MACROD2: variants seen among roughly 807,000 people sequenced by gnomAD.
MACROD2 encodes the protein mono-ADP ribosylhydrolase 2, also known as ADP-ribose glycohydrolase MACROD2.
Under a neutral mutation model 70.4 loss-of-function variants are expected in MACROD2, and 36 were observed. The observed-to-expected ratio is 0.51, with a 90% confidence interval of 0.39 to 0.68. The LOEUF is 0.68. Ranked by LOEUF, MACROD2 falls within the 30% of genes least tolerant of loss-of-function variation. MACROD2 has a pLI of 0.00. For missense variants in MACROD2, 496 were observed against 538.4 expected (o/e 0.92, Z 0.78); for synonymous variants, 172 against 178.8 (o/e 0.96, Z 0.30).
chr20:14,033,125 G>T, intron 2 of MACROD2, among the ~76,000 whole-genome samples: 1 of 141,244 alleles, frequency 7.1e-6, no homozygotes. Flanking sequence ...TTTTCTATAT[G>T]GAATTTCTTT....
Position 15,987,175 on chromosome 20 carries a change from A to G in MACROD2, c.1153+17A>G. 2 of 1,576,734 alleles carry G rather than the reference A, an allele frequency of 1.3e-6. No individual in the cohort carries two copies. Among genetic ancestry groups the G allele is most frequent in the Non-Finnish European group, 1.7e-6 (2 of 1,154,856 alleles). The stretch of plus-strand genomic sequence containing the variant: ...GTGAAAAAGGTAGGACTGCTCTTAA[A>G]TTAACCCATCAAGAATGGAGAGTTT... On this transcript the variant is annotated intron_variant, in intron 15 of 17. Coordinates refer to ENST00000684519, the MANE Select transcript of MACROD2 (RefSeq NM_001351661.2).
intron 3 of MACROD2, among the ~76,000 whole-genome samples, chr20:14,149,474 G>T (rs1250811053): frequency 1.3e-5 from 2 of 152,060 alleles, no homozygotes; most frequent in African/African-American, 2.4e-5. Context: ...TACATTCAGT[G>T]GAACCATTTA....
chr20:14,491,202 A>G (rs2084789694), intron 3 of MACROD2, among the ~76,000 whole-genome samples: 1 of 152,146 alleles, frequency 6.6e-6, no homozygotes, highest in East Asian at 1.9e-4. Flanking sequence ...ATAAAGTTTC[A>G]CCTTTACTTG....
chr20:15,461,107 A>G (rs1388507910), intron 7 of MACROD2, among the ~76,000 whole-genome samples: 1 of 150,642 alleles, frequency 6.6e-6, no homozygotes, highest in Non-Finnish European at 1.5e-5. Flanking sequence ...TCTTGGGCTC[A>G]AGTGAGTCTC....
At chr20:14,290,216 T>C (rs984826247) in intron 3 of MACROD2, among the ~76,000 whole-genome samples, 1 of 152,238 alleles carries the variant, frequency 6.6e-6, no homozygotes, top group African/African-American at 2.4e-5. Context: ...CAAACCCCTG[T>C]GACGTGCAGT....
chr20:14,829,339 C>T (rs528144410), intron 5 of MACROD2, among the ~76,000 whole-genome samples: 16 of 151,820 alleles, frequency 1.1e-4, no homozygotes, highest in African/African-American at 3.9e-4. Context: ...ACCATTTTAG[C>T]CAGGATGGTC....
At chr20:14,721,278 A>T (rs1042146741) in intron 5 of MACROD2, among the ~76,000 whole-genome samples, 1 of 151,760 alleles carries the variant, frequency 6.6e-6, no homozygotes, top group Non-Finnish European at 1.5e-5. Flanking sequence ...AAAGAAAAGA[A>T]AAAGAAAAGA....
intron 2 of MACROD2, among the ~76,000 whole-genome samples, chr20:14,065,886 C>T (rs1221007293): frequency 6.6e-6 from 1 of 152,166 alleles, no homozygotes; most frequent in Non-Finnish European, 1.5e-5. Context: ...AGTTACAAGA[C>T]AACATGCAAA....
chr20:15,017,714 A>G (rs1480682640), intron 5 of MACROD2, among the ~76,000 whole-genome samples: 2 of 152,230 alleles, frequency 1.3e-5, no homozygotes, highest in South Asian at 2.1e-4. Flanking sequence ...CCCAAACCTC[A>G]ATTCTAGACT....
Position 14,671,218 on chromosome 20 carries a change from T to A in MACROD2, c.302-13625T>A, listed in dbSNP as rs989741928. Among the ~76,000 whole-genome samples, 7 of 152,284 alleles carry A rather than the reference T, an allele frequency of 4.6e-5. No individual in the cohort carries two copies. The East Asian group carries it at 1.4e-3, about 29-fold the overall frequency. On this transcript the variant is annotated intron_variant, in intron 4 of 17. Transcript: ENST00000684519. ...TTTAGAATTTCTTTTTAAATTGGGA[T>A]CATGCGTATGTGGAAGAAAATGCAT...
At chr20:15,544,036 T>C (rs1211149003) in intron 8 of MACROD2, among the ~76,000 whole-genome samples, 1 of 152,134 alleles carries the variant, frequency 6.6e-6, no homozygotes, top group African/African-American at 2.4e-5. Flanking sequence ...ACTCTCACAC[T>C]GTGGGGAAGT....
chr20:16,044,022 A>G (rs1160016805), intron 16 of MACROD2, among the ~76,000 whole-genome samples: 1 of 152,094 alleles, frequency 6.6e-6, no homozygotes. Context: ...TTGTGTTGCT[A>G]TAAAGAAATA....
At chr20:14,744,187 A>G (rs1439647556) in intron 5 of MACROD2, among the ~76,000 whole-genome samples, 4 of 152,222 alleles carry the variant, frequency 2.6e-5, no homozygotes, top group Non-Finnish European at 5.9e-5. Context: ...ATAGAGACAC[A>G]TTTATGATAT....
intron 8 of MACROD2, among the ~76,000 whole-genome samples, chr20:15,821,725 G>A (rs544697930): frequency 2.6e-5 from 4 of 152,068 alleles, no homozygotes. Context: ...ATTGTATTAG[G>A]TACTATAAGT....
At chr20:15,792,573 T>G (rs2063634561) in intron 8 of MACROD2, among the ~76,000 whole-genome samples, 1 of 152,150 alleles carries the variant, frequency 6.6e-6, no homozygotes, top group Non-Finnish European at 1.5e-5. Context: ...CATCTTTGCC[T>G]TCCTAATTAA....
Position 14,002,464 on chromosome 20 carries a change from C to G in MACROD2, c.163+60C>G, listed in dbSNP as rs111648160. 31 of 981,570 alleles carry G rather than the reference C, an allele frequency of 3.2e-5. No individual in the cohort carries two copies. In the African/African-American group the frequency reaches 4.9e-4, roughly 16 times the overall value. The allele number at this position is 981,570 out of a possible 1,614,324, so 60.8% of individuals were successfully genotyped here. A position where few individuals can be genotyped will look rare whatever the true frequency, so the allele number is the denominator to read the frequency against. On this transcript the variant is annotated intron_variant, in intron 2 of 17. Coordinates refer to ENST00000684519, the MANE Select transcript of MACROD2 (RefSeq NM_001351661.2). ...TTTCCCATTTTAGGACAATTGTTGACAGAAATGAATAACTGGCGTTCAATA... is the reference window on the plus strand; with the variant it reads ...TTTCCCATTTTAGGACAATTGTTGAGAGAAATGAATAACTGGCGTTCAATA...
At chr20:14,500,277 C>A (rs893204091) in intron 4 of MACROD2, among the ~76,000 whole-genome samples, 1 of 152,172 alleles carries the variant, frequency 6.6e-6, no homozygotes, top group African/African-American at 2.4e-5. Flanking sequence ...AACTCTGGTG[C>A]TGGTGATGTG....
At chr20:14,431,686 C>T (rs1431718019) in intron 3 of MACROD2, among the ~76,000 whole-genome samples, 1 of 152,116 alleles carries the variant, frequency 6.6e-6, no homozygotes, top group East Asian at 1.9e-4. Context: ...CATCGAATAA[C>T]TATAAAGTTA....
chr20:15,004,532 G>A (rs2075021167), intron 5 of MACROD2, among the ~76,000 whole-genome samples: 1 of 152,106 alleles, frequency 6.6e-6, no homozygotes, highest in South Asian at 2.1e-4. Context: ...TTATCAATAT[G>A]CACACAAACA....
Sources: allele counts gnomAD v4.1 joint callset (sites outside exome capture counted in the v4.1 genomes callset), GRCh38; gene constraint gnomAD v4.1.1; transcripts MANE v1.5; gene names NCBI Gene and HGNC (gene_info 2026-07-23, HGNC 2026-07-21).